LCORL: variants seen among roughly 807,000 people sequenced by gnomAD.
LCORL encodes ligand-dependent nuclear receptor corepressor-like protein.
Under a neutral mutation model 141.8 loss-of-function variants are expected in LCORL, and 41 were observed. The observed-to-expected ratio is 0.29, with a 90% CI of 0.23 to 0.38. The LOEUF is 0.38. Ranked by LOEUF, LCORL falls within the 10% of genes least tolerant of loss-of-function variation. LCORL has a pLI of 1.00. For missense variants in LCORL, 1,759 were observed against 2,035.0 expected (o/e 0.86, Z 2.61); for synonymous variants, 618 against 694.1 (o/e 0.89, Z 1.72).
At position 17,860,169 on chromosome 4, in the gene LCORL, G is replaced by A. The variant is rs547054605; in HGVS notation, c.5602+13219C>T. Among the ~76,000 whole-genome samples, 7 of 152,244 alleles carry A rather than the reference G, an allele frequency of 4.6e-5. No individual in the cohort carries two copies. The South Asian group carries it at 1.5e-3, about 32-fold the overall frequency. On this transcript the variant is annotated intron_variant, in intron 7 of 7. Coordinates refer to ENST00000635767, the Ensembl canonical transcript of LCORL. Reference sequence around the variant, plus strand: ...TAGCCAAGGCAATCCTAAATAAAAAGAACAAAGCTGGAGGCATCACATTAC... The same window carrying A: ...TAGCCAAGGCAATCCTAAATAAAAAAAACAAAGCTGGAGGCATCACATTAC...
At chr4:17,872,532 C>T (rs74759170) in intron 7 of LCORL, among the ~76,000 whole-genome samples, 6,556 of 152,214 alleles carry the variant, frequency 0.043, 193 homozygotes, top group Non-Finnish European at 0.062. Flanking sequence ...ATGTGGTCCA[C>T]GGGCTGTGGG....
chr4:18,016,930 C>T (rs1560489392), intron 1 of LCORL, among the ~76,000 whole-genome samples: 1 of 152,162 alleles, frequency 6.6e-6, no homozygotes, highest in South Asian at 2.1e-4. Flanking sequence ...GGTTTAAAAA[C>T]AGTCCTAAAA....
chr4:17,849,358 C>T (rs545606849), intron 7 of LCORL, among the ~76,000 whole-genome samples: 2 of 152,290 alleles, frequency 1.3e-5, no homozygotes, highest in South Asian at 2.1e-4. Flanking sequence ...CAGCAGCATT[C>T]GCGGTTCACG....
intron 4 of LCORL, among the ~76,000 whole-genome samples, chr4:17,957,251 G>A (rs932125199): frequency 6.6e-6 from 1 of 151,956 alleles, no homozygotes; most frequent in Non-Finnish European, 1.5e-5. Context: ...AGAAGGTTAC[G>A]GTTTTGATCA....
intron 4 of LCORL, among the ~76,000 whole-genome samples, chr4:17,919,220 T>C (rs183857873): frequency 6.6e-6 from 1 of 152,052 alleles, no homozygotes; most frequent in African/African-American, 2.4e-5. Context: ...AAAATATGAA[T>C]AAATCTGTAA....
At chr4:17,971,419 A>G (rs1231162447) in intron 2 of LCORL, among the ~76,000 whole-genome samples, 2 of 151,928 alleles carry the variant, frequency 1.3e-5, no homozygotes, top group Non-Finnish European at 2.9e-5. Flanking sequence ...TTATAAATAT[A>G]AAATATTAAA....
At chr4:17,987,891 T>C (rs989195702) in intron 1 of LCORL, among the ~76,000 whole-genome samples, 8 of 152,232 alleles carry the variant, frequency 5.3e-5, no homozygotes, top group Non-Finnish European at 7.3e-5. Flanking sequence ...CCTTATGAGA[T>C]ATTCACCCAT....
chr4:17,983,695 T>A (rs1369829525), intron 1 of LCORL, among the ~76,000 whole-genome samples: 1 of 152,186 alleles, frequency 6.6e-6, no homozygotes. Flanking sequence ...AGATATAGAA[T>A]GATGTCTATA....
At chr4:17,956,368 T>C (rs751178908) in intron 4 of LCORL, among the ~76,000 whole-genome samples, 2 of 152,176 alleles carry the variant, frequency 1.3e-5, no homozygotes, top group Non-Finnish European at 2.9e-5. Flanking sequence ...CCATGTTTAC[T>C]GCAGTACTAT....
chr4:17,842,531 C>CCAT (rs1311891713), exon 8 of LCORL: 1 of 625,592 alleles, frequency 1.6e-6, no homozygotes, highest in South Asian at 2.1e-5. Context: ...GTCTAAAATT[C>CCAT]CATCATCAAG....
chr4:17,949,939 T>G (rs1444642628), intron 4 of LCORL, among the ~76,000 whole-genome samples: 1 of 152,168 alleles, frequency 6.6e-6, no homozygotes, highest in African/African-American at 2.4e-5. Context: ...AACTACAGTA[T>G]TGACAAATGT....
chr4:17,869,994 C>G (rs1239254275), intron 7 of LCORL, among the ~76,000 whole-genome samples: 1 of 152,112 alleles, frequency 6.6e-6, no homozygotes, highest in African/African-American at 2.4e-5. Flanking sequence ...GGGCTTAAAA[C>G]ATTTTTTGTT....
chr4:17,857,018 G>A (rs115780430), intron 7 of LCORL, among the ~76,000 whole-genome samples: 44 of 152,222 alleles, frequency 2.9e-4, no homozygotes, highest in African/African-American at 9.1e-4. Flanking sequence ...TGCAGTACTC[G>A]GCACATAGAA....
At chr4:17,842,450 A>G (rs969003307) in exon 8 of LCORL, 1 of 1,250,694 alleles carries the variant, frequency 8.0e-7, no homozygotes, top group Non-Finnish European at 1.2e-6. Context: ...GAAAAAAACT[A>G]ATTTTCTTGC....
chr4:17,981,684 G>T (rs1478711949), intron 1 of LCORL, among the ~76,000 whole-genome samples: 18 of 152,058 alleles, frequency 1.2e-4, no homozygotes, highest in Non-Finnish European at 1.5e-5. Flanking sequence ...GCTGCAGTGT[G>T]CTAAGCCATG....
chr4:17,914,636 T>C (rs1451161276), intron 4 of LCORL, among the ~76,000 whole-genome samples: 2 of 152,186 alleles, frequency 1.3e-5, no homozygotes, highest in Non-Finnish European at 2.9e-5. Flanking sequence ...CAAGTTGTCA[T>C]AACTACAAAA....
intron 1 of LCORL, among the ~76,000 whole-genome samples, chr4:18,004,526 T>C (rs187111296): frequency 3.3e-4 from 50 of 152,256 alleles, no homozygotes; most frequent in African/African-American, 1.1e-3. Flanking sequence ...CCCACTCCCA[T>C]AATCCAATCA....
intron 5 of LCORL, among the ~76,000 whole-genome samples, chr4:17,904,836 T>C (rs1731371303): frequency 3.9e-5 from 6 of 152,152 alleles, no homozygotes; most frequent in Admixed American, 2.6e-4. Flanking sequence ...TTGACTTGGT[T>C]ACTCTTGGCT....
chr4:17,862,015 T>C (rs924442905), intron 7 of LCORL, among the ~76,000 whole-genome samples: 17 of 152,322 alleles, frequency 1.1e-4, no homozygotes, highest in African/African-American at 4.1e-4. Flanking sequence ...TTCCCACATT[T>C]TTCTGTCTTC....
Sources: allele counts gnomAD v4.1 joint callset (sites outside exome capture counted in the v4.1 genomes callset), GRCh38; gene constraint gnomAD v4.1.1; transcripts MANE v1.5; gene names NCBI Gene and HGNC (gene_info 2026-07-23, HGNC 2026-07-21).